Variants in MAST2 observed in about 807,000 individuals in gnomAD.
MAST2 encodes microtubule associated serine/threonine kinase 2, also known as microtubule-associated serine/threonine-protein kinase 2.
In MAST2, 70 loss-of-function variants were observed where a neutral mutation model predicts 147.4. The ratio of observed to expected loss-of-function variants is 0.47; its 90% CI spans 0.39 to 0.58. The LOEUF (loss-of-function observed/expected upper bound fraction) is 0.58. Ranked by LOEUF, MAST2 falls within the 20% of genes least tolerant of loss-of-function variation. The pLI is 0.00. For synonymous variants in MAST2, 869 were observed against 896.8 expected (o/e 0.97, Z 0.55); for missense variants, 2,080 against 2,302.3 (o/e 0.90, Z 1.98).
At chr1:45,825,155 A>G (rs1644753603) in intron 2 of MAST2, among the ~76,000 whole-genome samples, 1 of 151,748 alleles carries the variant, frequency 6.6e-6, no homozygotes, top group Admixed American at 6.6e-5. Flanking sequence ...CCTCCCGAGT[A>G]GCTGGGACTA....
intron 5 of MAST2, among the ~76,000 whole-genome samples, chr1:45,996,158 G>A (rs188065851): frequency 4.6e-5 from 7 of 151,182 alleles, no homozygotes; most frequent in Admixed American, 2.0e-4. Context: ...TGTACTATGC[G>A]CACCTGGAAG....
At chr1:45,816,106 C>T (rs1644442531) in intron 1 of MAST2, among the ~76,000 whole-genome samples, 1 of 151,808 alleles carries the variant, frequency 6.6e-6, no homozygotes, top group Non-Finnish European at 1.5e-5. Flanking sequence ...GGCCTTTTTC[C>T]CAAGCACAGA....
intron 6 of MAST2, among the ~76,000 whole-genome samples, chr1:46,001,790 T>C (rs747976017): frequency 7.2e-5 from 11 of 152,202 alleles, no homozygotes; most frequent in Non-Finnish European, 1.5e-4. Flanking sequence ...TTTTTGCTTC[T>C]TCTTCTCCCT....
intron 9 of MAST2, among the ~76,000 whole-genome samples, chr1:46,010,371 G>A (rs1000485395): frequency 6.6e-6 from 1 of 152,138 alleles, no homozygotes; most frequent in Non-Finnish European, 1.5e-5. Flanking sequence ...GCTTGGCAGG[G>A]TGAAAAAGCC....
At chr1:45,810,888 T>C (rs1255275667) in intron 1 of MAST2, among the ~76,000 whole-genome samples, 2 of 146,220 alleles carry the variant, frequency 1.4e-5, no homozygotes, top group Non-Finnish European at 3.0e-5. Flanking sequence ...AGTCTTGCTC[T>C]GTGGCCCAGG....
At chr1:45,887,514 A>G (rs532312720) in intron 4 of MAST2, among the ~76,000 whole-genome samples, 57 of 152,146 alleles carry the variant, frequency 3.7e-4, no homozygotes, top group Non-Finnish European at 5.4e-4. Flanking sequence ...ATGAAAGTTA[A>G]TGTCTGGTGT....
At chr1:45,843,432 G>C (rs1645337058) in intron 3 of MAST2, among the ~76,000 whole-genome samples, 1 of 152,064 alleles carries the variant, frequency 6.6e-6, no homozygotes, top group Non-Finnish European at 1.5e-5. Context: ...GACCCATTTT[G>C]AGTCAGTTTT....
At chr1:45,901,937 G>A (rs1037831950) in intron 4 of MAST2, among the ~76,000 whole-genome samples, 1 of 152,116 alleles carries the variant, frequency 6.6e-6, no homozygotes, top group African/African-American at 2.4e-5. Context: ...GATATAATTT[G>A]ACTAACTCTG....
At chr1:46,017,559 A>T (rs1373242889) in intron 10 of MAST2, among the ~76,000 whole-genome samples, 1 of 152,166 alleles carries the variant, frequency 6.6e-6, no homozygotes, top group African/African-American at 2.4e-5. Context: ...CAAAAAACAC[A>T]TGAAAAAATG....
rs1035854055 is a variant in MAST2 at position 46,029,872 on chromosome 1, C to A, written c.2362C>A (p.Leu788Met). 4 of 1,614,190 alleles carry A rather than the reference C, an allele frequency of 2.5e-6. No individual in the cohort carries two copies. In the Admixed American group the frequency reaches 6.7e-5, roughly 27 times the overall value. ...GAAGCAGCACCCATTCTTTACTGGT[C>A]TGGACTGGACAGGACTTCTCCGCCA... Reference protein sequence around the residue: ...EVKQHPFFTGLDWTGLLRQKA... With the variant: ...EVKQHPFFTGMDWTGLLRQKA... The change falls in exon 20 of 29, where the codon CTG (leucine) becomes ATG (methionine). Residue 788 changes from leucine (L) to methionine (M), a missense_variant. Around this residue, in one of 4 missense-constraint regions of MAST2, gnomAD observed 209 missense variants for 309.5 expected, o/e 0.68. Transcript: ENST00000361297.
At chr1:45,847,816 A>G (rs1228796928) in intron 3 of MAST2, among the ~76,000 whole-genome samples, 2 of 152,018 alleles carry the variant, frequency 1.3e-5, no homozygotes, top group African/African-American at 4.8e-5. Flanking sequence ...AGCTTCCCAA[A>G]GGGTGTGAGC....
chr1:45,816,802 C>T (rs1029920226), intron 1 of MAST2, among the ~76,000 whole-genome samples: 8 of 152,128 alleles, frequency 5.3e-5, no homozygotes, highest in African/African-American at 1.7e-4. Flanking sequence ...CTCAGCCTCC[C>T]AAGTAGCTGG....
intron 4 of MAST2, among the ~76,000 whole-genome samples, chr1:45,957,615 A>G (rs1032445353): frequency 1.1e-4 from 17 of 152,320 alleles, no homozygotes; most frequent in Admixed American, 7.2e-4. Flanking sequence ...GCATGTGCCA[A>G]CATGCCCAGC....
chr1:45,806,423 A>G (rs1408111485), intron 1 of MAST2, among the ~76,000 whole-genome samples: 1 of 152,194 alleles, frequency 6.6e-6, no homozygotes, highest in Non-Finnish European at 1.5e-5. Flanking sequence ...TTTTTGAGAC[A>G]GGATCTCACT....
intron 5 of MAST2, among the ~76,000 whole-genome samples, chr1:45,966,476 A>G (rs1426574210): frequency 2.0e-5 from 3 of 152,086 alleles, no homozygotes; most frequent in African/African-American, 7.2e-5. Flanking sequence ...TCACGCCTGT[A>G]ATCCCACACT....
chr1:45,903,944 A>G (rs1178569700), intron 4 of MAST2, among the ~76,000 whole-genome samples: 3 of 152,200 alleles, frequency 2.0e-5, no homozygotes, highest in Admixed American at 6.5e-5. Flanking sequence ...CTAATTTGTT[A>G]TGCAATAGAA....
intron 4 of MAST2, among the ~76,000 whole-genome samples, chr1:45,924,554 G>A (rs1654053664): frequency 6.6e-6 from 1 of 152,144 alleles, no homozygotes; most frequent in Admixed American, 6.5e-5. Flanking sequence ...CTGAGGACCC[G>A]TAGCCTGCTC....
chr1:46,033,272 CAAAAAAA>C (rs59507952), intron 26 of MAST2, among the ~76,000 whole-genome samples: 53 of 95,138 alleles, frequency 5.6e-4, no homozygotes, highest in Admixed American at 5.2e-3. Flanking sequence ...ACTCTGTTTC[CAAAAAAA>C]AAAAAAAAAA....
intron 4 of MAST2, among the ~76,000 whole-genome samples, chr1:45,920,289 C>T (rs1653246132): frequency 6.6e-6 from 1 of 152,180 alleles, no homozygotes; most frequent in African/African-American, 2.4e-5. Context: ...CTCTGTATAT[C>T]TGTCTTCTCT....
Sources: allele counts gnomAD v4.1 joint callset (sites outside exome capture counted in the v4.1 genomes callset), GRCh38; gene constraint gnomAD v4.1.1; regional missense constraint gnomAD v4.1.1; transcripts MANE v1.5; gene names NCBI Gene and HGNC (gene_info 2026-07-23, HGNC 2026-07-21).